The following SLC24A2 variants were observed in gnomAD, a reference collection of about 807,000 sequenced individuals.
The protein encoded by SLC24A2 is sodium/potassium/calcium exchanger 2.
In SLC24A2, 36 loss-of-function variants were observed where a neutral mutation model predicts 62.0. The observed-to-expected ratio is 0.58, with a 90% CI of 0.44 to 0.77. The LOEUF is 0.77. Ranked by LOEUF, SLC24A2 falls within the 30% of genes least tolerant of loss-of-function variation. The pLI is 0.00. For missense variants in SLC24A2, 846 were observed against 817.9 expected, an observed-to-expected ratio of 1.03 and a Z score of -0.42; for synonymous variants, 358 against 294.0, an observed-to-expected ratio of 1.22 and a Z score of -2.23.
At chr9:19,606,903 T>A (rs1034635728) in intron 4 of SLC24A2, among the ~76,000 whole-genome samples, 2 of 152,146 alleles carry the variant, frequency 1.3e-5, no homozygotes, top group African/African-American at 4.8e-5. Flanking sequence ...TGACAGCCAG[T>A]TGAGGATTGA....
the SLC24A2 span, among the ~76,000 whole-genome samples, chr9:20,279,505 C>T: frequency 9.2e-5 from 14 of 151,842 alleles, no homozygotes; most frequent in East Asian, 5.8e-4. Context: ...CACTCCAGCC[C>T]GAGCAACAAG....
chr9:20,171,558 G>A, the SLC24A2 span, among the ~76,000 whole-genome samples: 1 of 151,948 alleles, frequency 6.6e-6, no homozygotes, highest in East Asian at 1.9e-4. Context: ...AAGCAAATGG[G>A]AGTAGCTATT....
At chr9:19,633,503 G>C (rs761704397) in intron 2 of SLC24A2, among the ~76,000 whole-genome samples, 3 of 152,192 alleles carry the variant, frequency 2.0e-5, no homozygotes, top group Non-Finnish European at 2.9e-5. Flanking sequence ...AAGGTGCCGT[G>C]ATATCTCATT....
At chr9:19,683,619 A>C (rs1462087789) in intron 2 of SLC24A2, among the ~76,000 whole-genome samples, 2 of 151,996 alleles carry the variant, frequency 1.3e-5, no homozygotes, top group Admixed American at 1.3e-4. Context: ...CTAACACAAC[A>C]ATATTTAGTT....
At chr9:19,697,502 T>C (rs1039519200) in intron 2 of SLC24A2, among the ~76,000 whole-genome samples, 1 of 152,212 alleles carries the variant, frequency 6.6e-6, no homozygotes, top group Non-Finnish European at 1.5e-5. Context: ...AGAACTAATT[T>C]AGGAATTGAG....
chr9:20,101,268 T>C, the SLC24A2 span, among the ~76,000 whole-genome samples: 6 of 152,266 alleles, frequency 3.9e-5, no homozygotes, highest in African/African-American at 7.2e-5. Flanking sequence ...GCTGGAGGAA[T>C]AGAAGTGCCC....
At chr9:19,719,089 C>CTCCTGAGGAATCTTCCTTCTGGGT (rs1820949052) in intron 2 of SLC24A2, among the ~76,000 whole-genome samples, 1 of 152,192 alleles carries the variant, frequency 6.6e-6, no homozygotes, top group African/African-American at 2.4e-5. Context: ...AATTGCAAGG[C>CTCCTGAGGAATCTTCCTTCTGGGT]TCCTGAGGAA....
chr9:19,650,083 G>C (rs549399629), intron 2 of SLC24A2, among the ~76,000 whole-genome samples: 4 of 152,200 alleles, frequency 2.6e-5, no homozygotes, highest in African/African-American at 9.6e-5. Flanking sequence ...AGGAATATGG[G>C]GTTTTACCTC....
At chr9:19,790,034 G>C (rs551558860), upstream of SLC24A2, among the ~76,000 whole-genome samples, 1 of 152,016 alleles carries the variant, frequency 6.6e-6, no homozygotes, top group Non-Finnish European at 1.5e-5. Flanking sequence ...GGGAAGCCTA[G>C]GGAACTTAGA....
chr9:20,081,118 C>T, the SLC24A2 span, among the ~76,000 whole-genome samples: 1 of 152,124 alleles, frequency 6.6e-6, no homozygotes, highest in Non-Finnish European at 1.5e-5. Context: ...CCCAGCCATC[C>T]CATTACTGGG....
In SLC24A2 at chr9:19,517,910, AACACACACACACACAC is replaced by A. The variant is rs56840950; in HGVS notation, c.1737-1524_1737-1509del. On this transcript the variant is annotated intron_variant, in intron 10 of 10. Transcript: ENST00000341998. The stretch of plus-strand genomic sequence containing the variant: ...CCAAAACCCATTTTATTCTTATTAA[AACACACACACACACAC>A]ACACACACACACACACACACACACA... Among the ~76,000 whole-genome samples the A allele has an allele frequency of 2.6e-3, 346 of 131,720 alleles. 1 individual carries two copies. Among genetic ancestry groups the A allele is most frequent in the African/African-American group, 6.5e-3 (234 of 35,872 alleles). The allele number at this position is 131,720 out of a possible 152,430, so 86.4% of individuals were successfully genotyped here. A position where few individuals can be genotyped will look rare whatever the true frequency, so the allele number is the denominator to read the frequency against.
the SLC24A2 span, among the ~76,000 whole-genome samples, chr9:20,148,228 G>A: frequency 6.8e-6 from 1 of 147,874 alleles, no homozygotes; most frequent in Non-Finnish European, 1.5e-5. Flanking sequence ...TCATATAATT[G>A]GAAATCTACA....
chr9:19,516,360 G>C lies in SLC24A2; in HGVS notation c.1779C>G (p.Phe593Leu). ...PWLLYTVIHR[F>L]QPVAVSSNGL... ...CATTGCTGCTGACAGCCACTGGCTGGAATCTGTGAATGACGGTGTACAGGA... is the reference window on the plus strand; with the variant it reads ...CATTGCTGCTGACAGCCACTGGCTGCAATCTGTGAATGACGGTGTACAGGA... Residue 593 changes from phenylalanine (F) to leucine (L), a missense_variant, in exon 11 of 11, where the codon TTC becomes TTG. Phe to Leu is a conservative substitution (Grantham distance 22). Transcript: ENST00000341998. 1 of 1,614,110 alleles carries C rather than the reference G, an allele frequency of 6.2e-7. No homozygotes were observed. Among genetic ancestry groups the C allele is most frequent in the South Asian group, 1.1e-5 (1 of 91,064 alleles).
chr9:20,019,311 G>GAAAGAAAC, the SLC24A2 span, among the ~76,000 whole-genome samples: 1 of 145,442 alleles, frequency 6.9e-6, no homozygotes, highest in Admixed American at 6.7e-5. Context: ...AAGAAAGAAA[G>GAAAGAAAC]AAAGTGAGTG....
the SLC24A2 span, among the ~76,000 whole-genome samples, chr9:20,009,923 C>T: frequency 2.6e-5 from 4 of 152,160 alleles, no homozygotes; most frequent in African/African-American, 4.8e-5. Flanking sequence ...AAACAACAAG[C>T]CCAGAGACCT....
the SLC24A2 span, among the ~76,000 whole-genome samples, chr9:19,807,573 A>G: frequency 6.6e-6 from 1 of 152,382 alleles, no homozygotes; most frequent in East Asian, 1.9e-4. Flanking sequence ...TAAAAGGGTT[A>G]CTATGACTAC....
At chr9:19,643,658 C>T (rs1285506624) in intron 2 of SLC24A2, among the ~76,000 whole-genome samples, 1 of 152,190 alleles carries the variant, frequency 6.6e-6, no homozygotes, top group African/African-American at 2.4e-5. Flanking sequence ...TCTGAGCTTT[C>T]TCTCTGTAAC....
At chr9:19,679,271 G>T (rs1290898269) in intron 2 of SLC24A2, among the ~76,000 whole-genome samples, 1 of 152,112 alleles carries the variant, frequency 6.6e-6, no homozygotes, top group Non-Finnish European at 1.5e-5. Context: ...GATGCATAAA[G>T]GTTTATTTCT....
chr9:19,509,860 A>G lies in SLC24A2; in HGVS notation c.*6293T>C, dbSNP rs1410745910. On this transcript the variant is annotated 3_prime_UTR_variant, in exon 11 of 11. Transcript: ENST00000341998. ...CAACCCAATATGTAAGAATGCAGAA[A>G]CAAATTCCCATCCTTTTGGTGAACC... 6.6e-6 allele frequency: 1 copy of G among 152,148 alleles called. No homozygotes were observed. Among genetic ancestry groups the G allele is most frequent in the African/African-American group, 2.4e-5 (1 of 41,436 alleles). 9.4% of individuals were successfully genotyped at this position (152,148 alleles called of 1,614,324 possible). A position where few individuals can be genotyped will look rare whatever the true frequency, so the allele number is the denominator to read the frequency against.
Sources: allele counts gnomAD v4.1 joint callset (sites outside exome capture counted in the v4.1 genomes callset), GRCh38; gene constraint gnomAD v4.1.1; transcripts MANE v1.5; gene names NCBI Gene and HGNC (gene_info 2026-07-23, HGNC 2026-07-21).